Variants in DNAAF9 observed in about 807,000 individuals in gnomAD.
The protein encoded by DNAAF9 is dynein axonemal assembly factor 9.
In DNAAF9, 90 loss-of-function variants were observed where a neutral mutation model predicts 167.0. That is an observed-to-expected ratio of 0.54 (90% CI 0.45 to 0.64). DNAAF9 has a LOEUF of 0.64. DNAAF9 is among the 30% of genes least tolerant of loss of function. The pLI is 0.00. For synonymous variants in DNAAF9, 491 were observed against 508.8 expected (o/e 0.96, Z 0.47); for missense variants, 1,315 against 1,442.2 (o/e 0.91, Z 1.43).
At chr20:3,266,170 T>C (rs939117894) in intron 30 of DNAAF9, among the ~76,000 whole-genome samples, 2 of 152,214 alleles carry the variant, frequency 1.3e-5, no homozygotes, top group Non-Finnish European at 2.9e-5. Context: ...CCAGGTGGTG[T>C]TGCATCCTTC....
intron 28 of DNAAF9, among the ~76,000 whole-genome samples, chr20:3,281,022 T>C (rs2068755623): frequency 6.6e-6 from 1 of 152,114 alleles, no homozygotes; most frequent in African/African-American, 2.4e-5. Context: ...TTTTACGCCT[T>C]ATTAAAAAAA....
chr20:3,322,176 AG>A (rs1568603578), intron 16 of DNAAF9, 40 bp downstream of exon 16: 2 of 1,515,556 alleles, frequency 1.3e-6, no homozygotes, highest in Non-Finnish European at 9.1e-7. Flanking sequence ...GTCCCTCTAC[AG>A]GCCATTCCCA....
intron 7 of DNAAF9, among the ~76,000 whole-genome samples, chr20:3,356,907 GA>G (rs1245032413): frequency 4.7e-5 from 7 of 149,520 alleles, no homozygotes; most frequent in African/African-American, 7.3e-5. Context: ...GGCATGAAGG[GA>G]AAAAAAAAGG....
At chr20:3,277,228 T>C (rs1056293224) in intron 29 of DNAAF9, among the ~76,000 whole-genome samples, 7 of 152,186 alleles carry the variant, frequency 4.6e-5, no homozygotes, top group Admixed American at 1.3e-4. Context: ...ATCAGGGTCC[T>C]TCTCACTTAC....
At chr20:3,350,148 G>GACACACACACAC (rs1324124710) in intron 7 of DNAAF9, among the ~76,000 whole-genome samples, 109 of 68,982 alleles carry the variant, frequency 1.6e-3, no homozygotes, top group Non-Finnish European at 2.6e-3. Context: ...CAGACACACA[G>GACACACACACAC]ACACACAGAC....
At position 3,255,891 on chromosome 20, in the gene DNAAF9, A is replaced by ATG; in HGVS notation, c.3261+114_3261+115insCA. On this transcript the variant is annotated intron_variant, in intron 34 of 36. Transcript: ENST00000252032. ...TGCAAGTGCTGGCTGGGCCAGGGAG[A>ATG]GGAAGCCCAGTGGGGAGGCATCAGG... 5.3e-6 allele frequency: 4 copies of ATG among 752,292 alleles called. No homozygotes were observed. The South Asian group carries it at 6.8e-5, about 13-fold the overall frequency. The allele number at this position is 752,292 out of a possible 1,614,324, so 46.6% of individuals were successfully genotyped here.
Position 3,374,264 on chromosome 20 carries a change from C to T in DNAAF9, c.506-110G>A, listed in dbSNP as rs529359599. 5.0e-4 allele frequency: 277 copies of T among 555,932 alleles called. 1 individual carries two copies. The highest frequency in any genetic ancestry group is 6.1e-4 in the Non-Finnish European group (193 of 314,008). 34.4% of individuals were successfully genotyped at this position (555,932 alleles called of 1,614,324 possible). ...ATCATTTCTCACGTGGTCACCAGGG[C>T]CTCACCTAGCAAAATAAAATACAAA... On this transcript the variant is annotated intron_variant, in intron 5 of 36. Coordinates refer to ENST00000252032, the MANE Select transcript of DNAAF9 (RefSeq NM_001009984.3).
chr20:3,315,429 C>T lies in DNAAF9; in HGVS notation c.1590+306G>A, dbSNP rs2069485671. Among the ~76,000 whole-genome samples, 1 of 152,232 alleles carries T rather than the reference C, an allele frequency of 6.6e-6. No homozygotes were observed. Among genetic ancestry groups the T allele is most frequent in the South Asian group, 2.1e-4 (1 of 4,836 alleles). On this transcript the variant is annotated intron_variant, in intron 19 of 36. Coordinates refer to ENST00000252032, the MANE Select transcript of DNAAF9 (RefSeq NM_001009984.3). This position sits in a 1 kb window ranked among gnomAD's most constrained non-coding sequence, Gnocchi z 4.1. ...AAAACAGAGGCAGCTTCTCCTTGGC[C>T]TAAAGCCTTGATGTCTCAGCTCTAC...
intron 30 of DNAAF9, among the ~76,000 whole-genome samples, chr20:3,269,102 TTC>T (rs1456102576): frequency 6.6e-6 from 1 of 151,198 alleles, no homozygotes; most frequent in Non-Finnish European, 1.5e-5. Flanking sequence ...AGAGGCGGGG[TTC>T]CACCGTGTTA....
intron 12 of DNAAF9, among the ~76,000 whole-genome samples, chr20:3,328,188 T>TTTTTTTTTTGTTTTTTTTG (rs757945235): frequency 7.2e-6 from 1 of 138,776 alleles, no homozygotes; most frequent in African/African-American, 2.9e-5. Context: ...GCTCTGTTTT[T>TTTTTTTTTTGTTTTTTTTG]TTTTTTTTTT....
At chr20:3,305,910 T>C (rs1442921707) in intron 20 of DNAAF9, among the ~76,000 whole-genome samples, 1 of 152,128 alleles carries the variant, frequency 6.6e-6, no homozygotes, top group Non-Finnish European at 1.5e-5. Context: ...GCACACTGCC[T>C]TTTCCTGAGG....
chr20:3,347,325 A>C (rs2070211588), intron 8 of DNAAF9, among the ~76,000 whole-genome samples: 1 of 152,164 alleles, frequency 6.6e-6, no homozygotes, highest in African/African-American at 2.4e-5. Context: ...AGGCGAAATA[A>C]AGATTTTTTT....
chr20:3,328,172 T>G (rs2069746771), intron 12 of DNAAF9, among the ~76,000 whole-genome samples: 1 of 151,522 alleles, frequency 6.6e-6, no homozygotes, highest in Non-Finnish European at 1.5e-5. Context: ...TTAAAAAGCC[T>G]GCATGGCTCT....
In DNAAF9 at chr20:3,269,225, T is replaced by A. The variant is rs1311181867; in HGVS notation, c.2786+1202A>T. ...CCCGGCCACTTTTTTTTTTTTTTTT[T>A]AATAGACAAAGTCTCACTACTTCGC... On this transcript the variant is annotated intron_variant, in intron 30 of 36. Transcript: ENST00000252032. 3.4e-5 allele frequency among the ~76,000 whole-genome samples: 5 copies of A among 146,590 alleles called. No individual in the cohort carries two copies. In the East Asian group the frequency reaches 8.0e-4, roughly 23 times the overall value.
At chr20:3,346,659 T>C (rs2070199473) in intron 8 of DNAAF9, among the ~76,000 whole-genome samples, 1 of 151,984 alleles carries the variant, frequency 6.6e-6, no homozygotes, top group South Asian at 2.1e-4. Context: ...GCAAATGAAA[T>C]AGAAAAGGTA....
intron 6 of DNAAF9, among the ~76,000 whole-genome samples, chr20:3,367,760 A>G (rs6084352): frequency 0.43 from 64,808 of 151,790 alleles, 13,972 homozygotes; most frequent in Middle Eastern, 0.55. Context: ...CTCATCATGG[A>G]TTATCATAAC....
chr20:3,384,431 T>C (rs1488172517), intron 1 of DNAAF9: 1 of 152,126 alleles, frequency 6.6e-6, no homozygotes, highest in Non-Finnish European at 1.5e-5. Flanking sequence ...GAGGACACTA[T>C]CTGAGTGTTT....
At chr20:3,280,660 G>A (rs1343182338) in intron 28 of DNAAF9, among the ~76,000 whole-genome samples, 1 of 152,032 alleles carries the variant, frequency 6.6e-6, no homozygotes, top group African/African-American at 2.4e-5. Flanking sequence ...CTGTTGCCCA[G>A]GTTGGAGTGC....
intron 1 of DNAAF9, chr20:3,384,590 C>T (rs983142158): frequency 1.3e-5 from 2 of 149,238 alleles, no homozygotes; most frequent in Admixed American, 6.7e-5. Context: ...CTAGGCTAGA[C>T]TCGAACTCCT....
Sources: gnomAD v4.1 joint callset for allele counts (sites outside exome capture counted in the v4.1 genomes callset) on GRCh38, gnomAD v4.1.1 for gene constraint, Gnocchi (gnomAD v3.1) non-coding constraint, MANE v1.5 for transcripts, NCBI Gene and HGNC (gene_info 2026-07-23, HGNC 2026-07-21) for gene names.